TRIM71: variants seen among roughly 807,000 people sequenced by gnomAD.
The protein encoded by TRIM71 is tripartite motif containing 71.
In TRIM71, 9 loss-of-function variants were observed where a neutral mutation model predicts 61.2. The observed-to-expected ratio is 0.15, with a 90% confidence interval of 0.09 to 0.26. The LOEUF (loss-of-function observed/expected upper bound fraction) is 0.26. TRIM71 is among the 10% of genes least tolerant of loss of function. The probability of loss-of-function intolerance (pLI) is 1.00; values close to 1 mark genes in which losing one functional copy is unlikely to be tolerated. For synonymous variants in TRIM71, 645 were observed against 553.2 expected (o/e 1.17, Z -2.33); for missense variants, 998 against 1,238.7 (o/e 0.81, Z 2.92).
At chr3:32,865,815 CTTTTTTTTTTTTT>C (rs139123002) in intron 1 of TRIM71, among the ~76,000 whole-genome samples, 1 of 16,296 alleles carries the variant, frequency 6.1e-5, no homozygotes, top group African/African-American at 2.0e-4. Flanking sequence ...CCCGCCCCAC[CTTTTTTTTTTTTT>C]TTTTTTTTTT....
At chr3:32,840,975 A>G (rs1005184713) in intron 1 of TRIM71, among the ~76,000 whole-genome samples, 11 of 152,202 alleles carry the variant, frequency 7.2e-5, no homozygotes, top group Non-Finnish European at 1.6e-4. Flanking sequence ...GGCTGGGCGC[A>G]GTGGCTCACG....
chr3:32,834,740 A>G (rs1441657850), intron 1 of TRIM71, among the ~76,000 whole-genome samples: 2 of 152,070 alleles, frequency 1.3e-5, no homozygotes, highest in African/African-American at 2.4e-5. Context: ...TACCCCGGAT[A>G]CCGAGGCAGG....
chr3:32,856,645 T>C (rs1188965454), intron 1 of TRIM71, among the ~76,000 whole-genome samples: 1 of 152,084 alleles, frequency 6.6e-6, no homozygotes, highest in Non-Finnish European at 1.5e-5. Context: ...ACATGTAGGG[T>C]CAGAGGTCAT....
At chr3:32,857,186 G>A (rs976644033) in intron 1 of TRIM71, among the ~76,000 whole-genome samples, 3 of 152,070 alleles carry the variant, frequency 2.0e-5, no homozygotes, top group Non-Finnish European at 2.9e-5. Flanking sequence ...GTTTTACTTC[G>A]AATTCTTCCT....
Position 32,873,946 on chromosome 3 carries a change from G to T in TRIM71, c.981G>T (p.Gln327His). 1 of 1,613,392 alleles carries T rather than the reference G, an allele frequency of 6.2e-7. No homozygotes were observed. Among genetic ancestry groups the T allele is most frequent in the Non-Finnish European group, 8.5e-7 (1 of 1,179,742 alleles). The part of the protein sequence containing the change: ...ALQDSRALTI[Q>H]LLADAQQGRQ... ...AGGACTCACGGGCACTCACCATCCA[G>T]CTGCTGGCAGATGCCCAGCAGGGAC... Residue 327 changes from glutamine (Q) to histidine (H), a missense_variant, in exon 2 of 4, where the codon CAG becomes CAT. This residue lies in a region of TRIM71 where 291 missense variants were observed against 431.2 expected (regional missense o/e 0.67). Transcript: ENST00000383763.
intron 1 of TRIM71, among the ~76,000 whole-genome samples, chr3:32,854,004 CAAA>C (rs571008559): frequency 1.5e-4 from 20 of 134,182 alleles, no homozygotes; most frequent in Non-Finnish European, 2.8e-4. Context: ...ACTCCCATCT[CAAA>C]AAAAAAAAAA....
Position 32,877,509 on chromosome 3 carries a change from C to T in TRIM71, c.1020+3524C>T, listed in dbSNP as rs551754038. On this transcript the variant is annotated intron_variant, in intron 2 of 3. Coordinates refer to ENST00000383763, the MANE Select transcript of TRIM71 (RefSeq NM_001039111.3). Reference sequence around the variant, plus strand: ...TAGCTAGGACTACAGGTATGCTCCACCACACCCAGCTAATTTTTGTATTTT... The same window carrying T: ...TAGCTAGGACTACAGGTATGCTCCATCACACCCAGCTAATTTTTGTATTTT... Among the ~76,000 whole-genome samples, 28 of 152,134 alleles carry T rather than the reference C, an allele frequency of 1.8e-4. No individual in the cohort carries two copies. In the South Asian group the frequency reaches 3.5e-3, roughly 19 times the overall value.
chr3:32,823,723 C>T (rs1696166269), intron 1 of TRIM71, among the ~76,000 whole-genome samples: 1 of 145,974 alleles, frequency 6.9e-6, no homozygotes, highest in Non-Finnish European at 1.5e-5. Flanking sequence ...GAGCCGAGAT[C>T]ATGCCATTGC....
intron 1 of TRIM71, among the ~76,000 whole-genome samples, chr3:32,864,956 G>T (rs766387751): frequency 2.0e-4 from 30 of 151,444 alleles, no homozygotes; most frequent in Non-Finnish European, 3.5e-4. Flanking sequence ...CATTTTCCCT[G>T]CCGGAATCCC....
intron 1 of TRIM71, among the ~76,000 whole-genome samples, chr3:32,823,826 G>T (rs1045951248): frequency 6.6e-6 from 1 of 152,064 alleles, no homozygotes; most frequent in Admixed American, 6.5e-5. Context: ...GAGCCACCGC[G>T]CCTTTGGGAG....
intron 1 of TRIM71, among the ~76,000 whole-genome samples, chr3:32,848,384 A>T (rs1001615245): frequency 8.5e-5 from 13 of 152,128 alleles, no homozygotes; most frequent in African/African-American, 3.1e-4. Flanking sequence ...ATAAACTCTT[A>T]TCTTGTCTGC....
intron 1 of TRIM71, among the ~76,000 whole-genome samples, chr3:32,860,934 G>C (rs1696660193): frequency 6.6e-6 from 1 of 152,040 alleles, no homozygotes; most frequent in African/African-American, 2.4e-5. Flanking sequence ...CAGCACTTTG[G>C]GAGGCCGAGG....
intron 1 of TRIM71, among the ~76,000 whole-genome samples, chr3:32,851,274 TG>T (rs1198106983): frequency 2.6e-5 from 4 of 152,302 alleles, no homozygotes; most frequent in South Asian, 4.1e-4. Flanking sequence ...GTAAAAGAAC[TG>T]AATACAGTTG....
intron 1 of TRIM71, among the ~76,000 whole-genome samples, chr3:32,847,296 A>G (rs547242722): frequency 6.7e-6 from 1 of 150,202 alleles, no homozygotes; most frequent in South Asian, 2.1e-4. Flanking sequence ...TCCCGGGTCC[A>G]AGTGATTCTC....
intron 1 of TRIM71, among the ~76,000 whole-genome samples, chr3:32,844,718 T>C (rs545963831): frequency 1.3e-5 from 2 of 152,326 alleles, no homozygotes; most frequent in South Asian, 4.1e-4. Context: ...CAGCCTGTGA[T>C]AATAATGAAG....
intron 1 of TRIM71, among the ~76,000 whole-genome samples, chr3:32,849,679 CTTAA>C (rs1000203661): frequency 6.6e-6 from 1 of 152,010 alleles, no homozygotes; most frequent in Non-Finnish European, 1.5e-5. Flanking sequence ...ATCCTTATTT[CTTAA>C]TTAAACTGTG....
intron 1 of TRIM71, among the ~76,000 whole-genome samples, chr3:32,870,630 G>T (rs1410511234): frequency 6.6e-6 from 1 of 152,056 alleles, no homozygotes; most frequent in Non-Finnish European, 1.5e-5. Flanking sequence ...TTTTTTTCTG[G>T]CTACTGCATC....
At chr3:32,873,066 TCCCTCC>T (rs1559548233) in intron 1 of TRIM71, among the ~76,000 whole-genome samples, 1 of 79,144 alleles carries the variant, frequency 1.3e-5, no homozygotes, top group Non-Finnish European at 3.1e-5. Context: ...TCTCTCTTCC[TCCCTCC>T]CTCCCTCCCT....
At chr3:32,862,493 G>GT (rs1230288736) in intron 1 of TRIM71, among the ~76,000 whole-genome samples, 4 of 152,204 alleles carry the variant, frequency 2.6e-5, no homozygotes, top group African/African-American at 9.7e-5. Context: ...GTTGCCCGCT[G>GT]TTTAAGAGGC....
Sources: allele counts gnomAD v4.1 joint callset (sites outside exome capture counted in the v4.1 genomes callset), GRCh38; gene constraint gnomAD v4.1.1; regional missense constraint gnomAD v4.1.1; transcripts MANE v1.5; gene names NCBI Gene and HGNC (gene_info 2026-07-23, HGNC 2026-07-21).